MARCHF3: variants seen among roughly 807,000 people sequenced by gnomAD.
MARCHF3 encodes membrane associated ring-CH-type finger 3.
In MARCHF3, 13 loss-of-function variants were observed where a neutral mutation model predicts 24.2. That is an observed-to-expected ratio of 0.54 (90% CI 0.35 to 0.85). The LOEUF is 0.85. Ranked by LOEUF, MARCHF3 falls within the 40% of genes least tolerant of loss-of-function variation. The pLI is 0.01. For missense variants in MARCHF3, 276 were observed against 325.0 expected (o/e 0.85, Z 1.16); for synonymous variants, 144 against 137.3 (o/e 1.05, Z -0.34).
At chr5:126,948,758 C>A (rs1463409947) in intron 1 of MARCHF3, among the ~76,000 whole-genome samples, 1 of 152,174 alleles carries the variant, frequency 6.6e-6, no homozygotes, top group Non-Finnish European at 1.5e-5. Context: ...GATACAAGAA[C>A]AACAGGGAAC....
chr5:126,870,842 T>G, intron 4 of MARCHF3, 51 bp from the exon 5 acceptor site: 1 of 1,604,152 alleles, frequency 6.2e-7, no homozygotes, highest in East Asian at 2.2e-5. Context: ...TCAGCAGAAG[T>G]GGATAATCAA....
At chr5:127,020,978 TC>T (rs1392517024) in intron 1 of MARCHF3, among the ~76,000 whole-genome samples, 4 of 152,262 alleles carry the variant, frequency 2.6e-5, no homozygotes, top group African/African-American at 9.6e-5. Context: ...AAGAAGGCCC[TC>T]CCCAGACACC....
intron 1 of MARCHF3, among the ~76,000 whole-genome samples, chr5:126,929,154 G>A (rs924869854): frequency 6.6e-6 from 1 of 152,166 alleles, no homozygotes; most frequent in Non-Finnish European, 1.5e-5. Context: ...AGAAATTCAC[G>A]TAGAGGTCCT....
At chr5:126,984,436 G>A (rs1369105172) in intron 1 of MARCHF3, among the ~76,000 whole-genome samples, 1 of 152,076 alleles carries the variant, frequency 6.6e-6, no homozygotes, top group Non-Finnish European at 1.5e-5. Flanking sequence ...AGTACAGGAG[G>A]TCACGTCCCA....
At chr5:127,003,333 G>C (rs537757753) in intron 1 of MARCHF3, among the ~76,000 whole-genome samples, 1 of 151,350 alleles carries the variant, frequency 6.6e-6, no homozygotes, top group Non-Finnish European at 1.5e-5. Flanking sequence ...CGGGCGTGGT[G>C]GTGGGCGCCT....
chr5:127,020,773 C>G (rs1323703848), intron 1 of MARCHF3, among the ~76,000 whole-genome samples: 1 of 152,038 alleles, frequency 6.6e-6, no homozygotes, highest in Admixed American at 6.6e-5. Flanking sequence ...ACTGCTTGAG[C>G]TCGGGAGGTT....
At chr5:126,937,177 A>G (rs1749672950) in intron 1 of MARCHF3, among the ~76,000 whole-genome samples, 1 of 152,252 alleles carries the variant, frequency 6.6e-6, no homozygotes, top group Non-Finnish European at 1.5e-5. Flanking sequence ...ATCAGTGGTC[A>G]CCACCACCAA....
At chr5:126,878,715 A>G (rs559441544) in intron 3 of MARCHF3, among the ~76,000 whole-genome samples, 53 of 152,310 alleles carry the variant, frequency 3.5e-4, no homozygotes, top group African/African-American at 1.2e-3. Context: ...TTGGAAGGTG[A>G]CAGCTGAGGT....
rs186186514 is a variant in MARCHF3 at position 126,912,438 on chromosome 5, T to C, written c.393+2492A>G. On this transcript the variant is annotated intron_variant, in intron 3 of 4. Transcript: ENST00000308660. ...ACATCGATTTTGAAATTAAATGTTA[T>C]GGAATTTCCTTGCTTTAATGAGAAG... Among the ~76,000 whole-genome samples the C allele has an allele frequency of 1.8e-4, 27 of 152,342 alleles. 1 individual carries two copies. The highest frequency in any genetic ancestry group is 2.5e-4 in the Non-Finnish European group (17 of 68,034).
chr5:126,966,882 C>T (rs1356657523), intron 1 of MARCHF3, among the ~76,000 whole-genome samples: 1 of 30,384 alleles, frequency 3.3e-5, no homozygotes, highest in African/African-American at 1.2e-4. Flanking sequence ...TTTTCTGTTT[C>T]TCTCTTGTTG....
intron 1 of MARCHF3, among the ~76,000 whole-genome samples, chr5:127,019,645 G>A (rs866705271): frequency 6.6e-6 from 1 of 152,198 alleles, no homozygotes; most frequent in African/African-American, 2.4e-5. Flanking sequence ...GTCTTAGATT[G>A]GAATGGTCCC....
intron 1 of MARCHF3, among the ~76,000 whole-genome samples, chr5:126,970,466 C>CTT (rs560964156): frequency 6.6e-6 from 1 of 151,218 alleles, no homozygotes; most frequent in Admixed American, 6.6e-5. Context: ...GATTAAATTA[C>CTT]TTTTTTTCTT....
At chr5:126,894,173 C>G (rs1753792963) in intron 3 of MARCHF3, among the ~76,000 whole-genome samples, 1 of 131,830 alleles carries the variant, frequency 7.6e-6, no homozygotes, top group Non-Finnish European at 1.6e-5. Flanking sequence ...TTATTTTGAG[C>G]CTATGTGTGT....
intron 3 of MARCHF3, among the ~76,000 whole-genome samples, chr5:126,890,126 AGAC>A (rs1057498465): frequency 6.6e-6 from 1 of 152,192 alleles, no homozygotes; most frequent in African/African-American, 2.4e-5. Flanking sequence ...TACCAGGTGA[AGAC>A]ACCTCGCTGT....
At chr5:126,896,196 T>C (rs1197885389) in intron 3 of MARCHF3, among the ~76,000 whole-genome samples, 1 of 152,150 alleles carries the variant, frequency 6.6e-6, no homozygotes, top group East Asian at 1.9e-4. Flanking sequence ...CCCACTGACC[T>C]GCGCCCACTG....
intron 4 of MARCHF3, 141 bp from the exon 5 acceptor site, chr5:126,870,932 G>C (rs2126762983): frequency 8.6e-7 from 1 of 1,162,608 alleles, no homozygotes; most frequent in African/African-American, 1.6e-5. Flanking sequence ...TGGGAAAATG[G>C]CTCTGGCACG....
At chr5:127,022,587 G>GCC (rs1215778034) in intron 1 of MARCHF3, among the ~76,000 whole-genome samples, 1 of 152,204 alleles carries the variant, frequency 6.6e-6, no homozygotes, top group African/African-American at 2.4e-5. Flanking sequence ...TCTACTAGTT[G>GCC]CAAGAAAGGG....
chr5:126,923,254 TAATCC>T (rs1362155686), intron 1 of MARCHF3, among the ~76,000 whole-genome samples: 12 of 152,354 alleles, frequency 7.9e-5, no homozygotes, highest in Middle Eastern at 3.4e-3. Flanking sequence ...TTATCTTAAC[TAATCC>T]AGCATGTGAT....
At chr5:127,002,429 T>A (rs139179198) in intron 1 of MARCHF3, among the ~76,000 whole-genome samples, 1 of 152,200 alleles carries the variant, frequency 6.6e-6, no homozygotes, top group African/African-American at 2.4e-5. Context: ...GACTCTTTCA[T>A]TGAAAAAAAC....
Sources: gnomAD v4.1 joint callset for allele counts (sites outside exome capture counted in the v4.1 genomes callset) on GRCh38, gnomAD v4.1.1 for gene constraint, MANE v1.5 for transcripts, NCBI Gene and HGNC (gene_info 2026-07-23, HGNC 2026-07-21) for gene names.